Variants in MEI1 observed in about 807,000 individuals in gnomAD.
MEI1 encodes meiotic double-stranded break formation protein 1.
Under a neutral mutation model 146.2 loss-of-function variants are expected in MEI1, and 103 were observed. The observed-to-expected ratio is 0.70, with a 90% CI of 0.60 to 0.83. The LOEUF (loss-of-function observed/expected upper bound fraction) is 0.83. Ranked by LOEUF, MEI1 falls within the 40% of genes least tolerant of loss-of-function variation. The pLI, the probability that MEI1 is intolerant of heterozygous loss-of-function variation, is 0.00. For missense variants in MEI1, 1,529 were observed against 1,533.0 expected (o/e 1.00, Z 0.04); for synonymous variants, 652 against 628.2 (o/e 1.04, Z -0.57).
intron 3 of MEI1, among the ~76,000 whole-genome samples, chr22:41,711,752 C>G (rs1601664619): frequency 6.6e-6 from 1 of 152,122 alleles, no homozygotes. Context: ...AATCTCTCCT[C>G]AAAGCCACCA....
At chr22:41,736,373 C>T (rs1021899423) in intron 11 of MEI1, among the ~76,000 whole-genome samples, 2 of 151,788 alleles carry the variant, frequency 1.3e-5, no homozygotes, top group African/African-American at 4.8e-5. Flanking sequence ...CCTCAGCCTC[C>T]CGAGTGGCTG....
intron 22 of MEI1, among the ~76,000 whole-genome samples, chr22:41,780,717 A>G (rs1035225303): frequency 6.6e-6 from 1 of 151,560 alleles, no homozygotes; most frequent in Non-Finnish European, 1.5e-5. Context: ...AGTAGCTGGG[A>G]CTACCAGTGT....
In MEI1 at chr22:41,717,863, G is replaced by A. The variant is rs904997262; in HGVS notation, c.530-208G>A. On this transcript the variant is annotated intron_variant, in intron 5 of 30. Coordinates refer to ENST00000401548, the MANE Select transcript of MEI1 (RefSeq NM_152513.4). ...ACTCCTGACCTTAGGTGATCCTTCT[G>A]CCTTGGCCTTCCCAAGTGCTGGGAT... 7.2e-5 allele frequency among the ~76,000 whole-genome samples: 11 copies of A among 152,110 alleles called. No homozygotes were observed. The East Asian group carries it at 2.1e-3, about 29-fold the overall frequency.
At chr22:41,723,862 G>A in intron 6 of MEI1, 81 bp from the exon 7 acceptor site, 2 of 1,481,480 alleles carry the variant, frequency 1.3e-6, no homozygotes, top group Non-Finnish European at 9.1e-7. Flanking sequence ...AGTTTCTCTG[G>A]GGATGTCTGA....
At chr22:41,759,613 G>A (rs1018288765) in intron 18 of MEI1, among the ~76,000 whole-genome samples, 2 of 146,486 alleles carry the variant, frequency 1.4e-5, no homozygotes, top group Admixed American at 6.7e-5. Flanking sequence ...CTGGGCGACA[G>A]AGCGAGACTC....
intron 19 of MEI1, among the ~76,000 whole-genome samples, chr22:41,764,060 ACG>A (rs1170160668): frequency 6.7e-6 from 1 of 148,508 alleles, no homozygotes; most frequent in African/African-American, 2.5e-5. Context: ...TCCTGGGTTC[ACG>A]CCATTCTCCT....
chr22:41,713,056 A>G (rs1052939872), intron 3 of MEI1, among the ~76,000 whole-genome samples: 7 of 151,656 alleles, frequency 4.6e-5, no homozygotes, highest in African/African-American at 1.5e-4. Context: ...TGATCCGCCC[A>G]TCTCGGCCTC....
At chr22:41,700,610 C>G (rs1004029065) in intron 1 of MEI1, among the ~76,000 whole-genome samples, 1 of 151,922 alleles carries the variant, frequency 6.6e-6, no homozygotes, top group Non-Finnish European at 1.5e-5. Flanking sequence ...GGATTATAGG[C>G]GTGAGCCACG....
rs2070348561 is a variant in MEI1 at position 41,717,766 on chromosome 22, C to T, written c.530-305C>T. 2.6e-5 allele frequency among the ~76,000 whole-genome samples: 4 copies of T among 151,944 alleles called. No individual in the cohort carries two copies. The South Asian group carries it at 6.2e-4, about 24-fold the overall frequency. On this transcript the variant is annotated intron_variant, in intron 5 of 30. Transcript: ENST00000401548. ...AAGTAGCTGGGATTACAGGCGTGTG[C>T]CAGCATGCCCGGCTAATTTTTGTAT...
rs1042668152 is a variant in MEI1, at chr22:41,716,039, A to G, written c.424-2A>G. Reference sequence around the variant, plus strand: ...AGAATGGAGCATATTCACTTTCTGTAGCTGTGTAACATGCCCTCCATGCGA... The same window carrying G: ...AGAATGGAGCATATTCACTTTCTGTGGCTGTGTAACATGCCCTCCATGCGA... On this transcript the variant is annotated splice_acceptor_variant, in intron 4 of 30. Transcript: ENST00000401548. LOFTEE classifies it high-confidence loss of function. 1 of 1,603,654 alleles carries G rather than the reference A, an allele frequency of 6.2e-7. No homozygotes were observed. Among genetic ancestry groups the G allele is most frequent in the Non-Finnish European group, 8.5e-7 (1 of 1,174,422 alleles).
At position 41,758,570 on chromosome 22, in the gene MEI1, T is replaced by C. The variant is rs1009895458; in HGVS notation, c.2120+37T>C. On this transcript the variant is annotated intron_variant, in intron 18 of 30. Coordinates refer to ENST00000401548, the MANE Select transcript of MEI1 (RefSeq NM_152513.4). ...GAGGTGGGTGGCTGGTGGTGGGTCT[T>C]GGGACCTTCATCAGCAGTTCAGTTC... 5 of 1,584,860 alleles carry C rather than the reference T, an allele frequency of 3.2e-6. No homozygotes were observed. In the African/African-American group the frequency reaches 4.0e-5, roughly 13 times the overall value.
chr22:41,745,805 C>T, intron 13 of MEI1, 80 bp from the exon 14 acceptor site: 1 of 1,431,154 alleles, frequency 7.0e-7, no homozygotes, highest in South Asian at 1.5e-5. Context: ...ACAGGCACTC[C>T]CCGCCACCCC....
intron 15 of MEI1, among the ~76,000 whole-genome samples, chr22:41,752,054 G>A (rs1454894830): frequency 1.3e-5 from 2 of 151,568 alleles, no homozygotes; most frequent in Non-Finnish European, 1.5e-5. Flanking sequence ...TGGCGACAGA[G>A]TGAGGCTCCG....
At chr22:41,778,571 C>T in intron 21 of MEI1, 137 bp from the exon 22 acceptor site, 1 of 626,062 alleles carries the variant, frequency 1.6e-6, no homozygotes, top group South Asian at 2.0e-5. Context: ...GGAGTAAATC[C>T]CAACAAAACA....
intron 3 of MEI1, among the ~76,000 whole-genome samples, chr22:41,706,189 A>C (rs565466310): frequency 2.0e-5 from 3 of 151,668 alleles, no homozygotes; most frequent in East Asian, 1.9e-4. Flanking sequence ...TGGCTAAAAA[A>C]ATTTCTTTTC....
chr22:41,757,722 A>G (rs73163307), intron 17 of MEI1, among the ~76,000 whole-genome samples: 2,480 of 152,134 alleles, frequency 0.016, 50 homozygotes, highest in Admixed American at 0.059. Context: ...CGCTGATCAC[A>G]TGTCCTGCAA....
chr22:41,761,354 G>T (rs1485933073), intron 18 of MEI1, among the ~76,000 whole-genome samples: 12 of 141,878 alleles, frequency 8.5e-5, no homozygotes, highest in African/African-American at 3.2e-4. Flanking sequence ...TCACTCTGTC[G>T]CCCAGGCTGG....
chr22:41,704,539 G>A (rs527411785), intron 2 of MEI1, among the ~76,000 whole-genome samples: 24 of 151,080 alleles, frequency 1.6e-4, no homozygotes, highest in Non-Finnish European at 2.1e-4. Flanking sequence ...TCAGCCTCCC[G>A]AGTAGCTGGG....
intron 14 of MEI1, among the ~76,000 whole-genome samples, chr22:41,747,020 C>T: frequency 6.6e-6 from 1 of 150,546 alleles, no homozygotes; most frequent in Middle Eastern, 3.2e-3. Context: ...GTATTTTACA[C>T]ATTTTCTTTA....
Sources: allele counts gnomAD v4.1 joint callset (sites outside exome capture counted in the v4.1 genomes callset), GRCh38; gene constraint gnomAD v4.1.1; transcripts MANE v1.5; gene names NCBI Gene and HGNC (gene_info 2026-07-23, HGNC 2026-07-21).